The following FBP1 variants were observed in gnomAD, a reference collection of about 807,000 sequenced individuals.
FBP1 encodes fructose-bisphosphatase 1.
FBP1 carries 22 observed loss-of-function variants against 29.9 expected under a neutral mutation model. The observed-to-expected ratio is 0.74, with a 90% CI of 0.53 to 1.05. The LOEUF (loss-of-function observed/expected upper bound fraction) is 1.05, where lower values mean the gene tolerates loss of function less well. Among genes scored for constraint, FBP1 ranks in the 50% least tolerant of loss-of-function variants. FBP1 has a pLI of 0.00. For missense variants in FBP1, 345 were observed against 448.2 expected (o/e 0.77, Z 2.08); for synonymous variants, 175 against 178.6 (o/e 0.98, Z 0.16).
At chr9:94,610,451 G>A (rs1174150689) in intron 3 of FBP1, among the ~76,000 whole-genome samples, 1 of 152,234 alleles carries the variant, frequency 6.6e-6, no homozygotes, top group Admixed American at 6.5e-5. Flanking sequence ...ACACTGGGCT[G>A]CAGGGCAGCC....
intron 1 of FBP1, among the ~76,000 whole-genome samples, chr9:94,624,079 TA>T (rs1305528498): frequency 1.3e-5 from 2 of 151,904 alleles, no homozygotes; most frequent in East Asian, 3.9e-4. Context: ...CTCATGCCTG[TA>T]ATCCCAGCAC....
At chr9:94,629,862 C>T (rs539100687) in intron 1 of FBP1, among the ~76,000 whole-genome samples, 1 of 152,314 alleles carries the variant, frequency 6.6e-6, no homozygotes, top group East Asian at 1.9e-4. Context: ...CTGGGCCCAA[C>T]CTGCTTTGTA....
intron 4 of FBP1, among the ~76,000 whole-genome samples, 164 bp downstream of exon 4, chr9:94,609,755 TAC>T (rs1587854906): frequency 6.6e-6 from 1 of 152,146 alleles, no homozygotes; most frequent in East Asian, 1.9e-4. Flanking sequence ...TCGGGAGGCA[TAC>T]ACTCTCTCTT....
intron 1 of FBP1, among the ~76,000 whole-genome samples, chr9:94,638,712 T>C (rs1828235317): frequency 2.0e-5 from 3 of 152,094 alleles, no homozygotes; most frequent in South Asian, 2.1e-4. Context: ...GGGTCCCTAA[T>C]TGCAGAAAGA....
Position 94,639,133 on chromosome 9 carries a change from C to T in FBP1, c.170+8G>A, listed in dbSNP as rs772448073. 9 of 1,592,678 alleles carry T rather than the reference C, an allele frequency of 5.7e-6. No individual in the cohort carries two copies. Among genetic ancestry groups the T allele is most frequent in the Non-Finnish European group, 6.8e-6 (8 of 1,170,614 alleles). ...AGGACGGGGCCCACCGCCCAAGGCCCGACTCACAGGTGCGCGATGCCCGCC... is the reference window on the plus strand; with the variant it reads ...AGGACGGGGCCCACCGCCCAAGGCCTGACTCACAGGTGCGCGATGCCCGCC... On this transcript the variant is annotated splice_region_variant and intron_variant, in intron 1 of 6. Coordinates refer to ENST00000375326, the MANE Select transcript of FBP1 (RefSeq NM_000507.4).
chr9:94,616,565 C>T (rs190667739), intron 3 of FBP1, among the ~76,000 whole-genome samples: 64 of 149,870 alleles, frequency 4.3e-4, no homozygotes, highest in African/African-American at 1.5e-3. Flanking sequence ...CTCAGCCTCC[C>T]GGGACTACAG....
chr9:94,625,981 A>C (rs1828020921), intron 1 of FBP1, among the ~76,000 whole-genome samples: 1 of 152,164 alleles, frequency 6.6e-6, no homozygotes. Flanking sequence ...GCCTGCGTCC[A>C]CCAAACCACG....
chr9:94,619,393 T>C (rs772054769), intron 2 of FBP1, among the ~76,000 whole-genome samples: 28 of 152,212 alleles, frequency 1.8e-4, no homozygotes, highest in Non-Finnish European at 3.1e-4. Context: ...TAAGCCCATA[T>C]AACTGCACTT....
At chr9:94,626,644 G>C (rs911567758) in intron 1 of FBP1, among the ~76,000 whole-genome samples, 1 of 152,154 alleles carries the variant, frequency 6.6e-6, no homozygotes, top group African/African-American at 2.4e-5. Context: ...AGCAGGCAAG[G>C]CTTCCGTGAT....
chr9:94,615,880 T>G (rs1827854863), intron 3 of FBP1, among the ~76,000 whole-genome samples: 1 of 149,414 alleles, frequency 6.7e-6, no homozygotes, highest in African/African-American at 2.5e-5. Flanking sequence ...CGGACTGGAG[T>G]CCAGTAGCGC....
intron 4 of FBP1, among the ~76,000 whole-genome samples, chr9:94,607,339 G>A (rs1375006170): frequency 2.6e-5 from 4 of 152,176 alleles, no homozygotes; most frequent in Admixed American, 2.6e-4. Flanking sequence ...AAAAAGGGTT[G>A]GTTCAGGCGG....
intron 1 of FBP1, among the ~76,000 whole-genome samples, chr9:94,628,597 T>C (rs1828059235): frequency 6.6e-6 from 1 of 152,062 alleles, no homozygotes; most frequent in Non-Finnish European, 1.5e-5. Flanking sequence ...AGAATTTAAA[T>C]GCCCCGCACC....
chr9:94,615,878 A>G (rs1827854825), intron 3 of FBP1, among the ~76,000 whole-genome samples: 1 of 147,068 alleles, frequency 6.8e-6, no homozygotes, highest in South Asian at 2.1e-4. Context: ...CCCGGACTGG[A>G]GTCCAGTAGC....
intron 3 of FBP1, among the ~76,000 whole-genome samples, chr9:94,615,439 G>A (rs907102121): frequency 6.6e-6 from 1 of 151,990 alleles, no homozygotes; most frequent in African/African-American, 2.4e-5. Flanking sequence ...CACTGCTTTA[G>A]TTGTGGTTAA....
chr9:94,603,892 C>A (rs958289266), intron 6 of FBP1: 61 of 383,020 alleles, frequency 1.6e-4, no homozygotes, highest in African/African-American at 1.1e-3. Flanking sequence ...CTCTTTATAC[C>A]ATGGAAACTG....
At chr9:94,609,834 C>T (rs1472626373) in intron 4 of FBP1, 87 bp downstream of exon 4, 34 of 1,474,606 alleles carry the variant, frequency 2.3e-5, no homozygotes, top group Non-Finnish European at 3.0e-5. Context: ...CCTCCCACCT[C>T]CACATACCCC....
rs1300610088 is a variant in FBP1 at position 94,609,988 on chromosome 9, A to G, written c.500T>C (p.Leu167Pro). ...GRNLVAAGYA[L>P]YGSATMLVLA... ...GACCAGCATGGTGGCACTGCCATAC[A>G]GTGCGTAGCCGGCTGCCACCAGGTT... is the stretch of plus-strand genomic sequence containing the variant. Residue 167 changes from leucine (L) to proline (P), a missense_variant, in exon 4 of 7, where the codon CTG becomes CCG. Leu to Pro is a moderately conservative substitution (Grantham distance 98). Coordinates refer to ENST00000375326, the MANE Select transcript of FBP1 (RefSeq NM_000507.4). 6.2e-7 allele frequency: 1 copy of G among 1,614,186 alleles called. No individual in the cohort carries two copies. The highest frequency in any genetic ancestry group is 8.5e-7 in the Non-Finnish European group (1 of 1,179,992).
At chr9:94,632,703 C>T (rs923429047) in intron 1 of FBP1, among the ~76,000 whole-genome samples, 1 of 152,114 alleles carries the variant, frequency 6.6e-6, no homozygotes, top group African/African-American at 2.4e-5. Flanking sequence ...TTCAGGAAAA[C>T]AATGATATTA....
upstream of FBP1, among the ~76,000 whole-genome samples, chr9:94,639,729 C>A (rs548997534): frequency 4.7e-5 from 7 of 148,570 alleles, no homozygotes; most frequent in East Asian, 2.1e-4. Context: ...CTGTCGCCCC[C>A]CACACACACC....
Sources: gnomAD v4.1 joint callset for allele counts (sites outside exome capture counted in the v4.1 genomes callset) on GRCh38, gnomAD v4.1.1 for gene constraint, MANE v1.5 for transcripts, NCBI Gene and HGNC (gene_info 2026-07-23, HGNC 2026-07-21) for gene names.